Variants in TNFRSF11B observed in about 807,000 individuals in gnomAD.
The protein encoded by TNFRSF11B is TNF receptor superfamily member 11b, also known as tumor necrosis factor receptor superfamily member 11B.
Under a neutral mutation model 43.4 loss-of-function variants are expected in TNFRSF11B, and 16 were observed. The ratio of observed to expected loss-of-function variants is 0.37; its 90% confidence interval spans 0.25 to 0.56. The LOEUF is 0.56. Ranked by LOEUF, TNFRSF11B falls within the 20% of genes least tolerant of loss-of-function variation. The pLI is 0.80. For missense variants in TNFRSF11B, 444 were observed against 490.1 expected, an observed-to-expected ratio of 0.91 and a Z score of 0.89; for synonymous variants, 185 against 181.8, an observed-to-expected ratio of 1.02 and a Z score of -0.14.
At chr8:118,941,112 G>A (rs957993739) in intron 1 of TNFRSF11B, among the ~76,000 whole-genome samples, 1 of 152,130 alleles carries the variant, frequency 6.6e-6, no homozygotes, top group Non-Finnish European at 1.5e-5. Context: ...AGTGATGACC[G>A]AATTTGCCTA....
At chr8:118,937,324 C>A (rs1812419130) in intron 1 of TNFRSF11B, among the ~76,000 whole-genome samples, 1 of 152,180 alleles carries the variant, frequency 6.6e-6, no homozygotes, top group East Asian at 1.9e-4. Context: ...CTTCATACTT[C>A]TTGTTCCACC....
chr8:118,946,207 A>G (rs1384937905), intron 1 of TNFRSF11B, among the ~76,000 whole-genome samples: 2 of 152,138 alleles, frequency 1.3e-5, no homozygotes, highest in African/African-American at 2.4e-5. Flanking sequence ...GCACCTCGGA[A>G]ATTATGCCAA....
At chr8:118,940,941 T>G (rs1021033307) in intron 1 of TNFRSF11B, among the ~76,000 whole-genome samples, 1 of 152,212 alleles carries the variant, frequency 6.6e-6, no homozygotes. Flanking sequence ...ACATGGCAAG[T>G]ATTCAATATA....
intron 1 of TNFRSF11B, among the ~76,000 whole-genome samples, chr8:118,944,186 A>C (rs1352072777): frequency 6.6e-6 from 1 of 152,152 alleles, no homozygotes; most frequent in Non-Finnish European, 1.5e-5. Flanking sequence ...AACTGGCTTA[A>C]AAACAGCACA....
intron 1 of TNFRSF11B, among the ~76,000 whole-genome samples, chr8:118,946,678 T>G (rs1162300685): frequency 1.3e-5 from 2 of 152,110 alleles, no homozygotes; most frequent in African/African-American, 4.8e-5. Flanking sequence ...AGAATTGTGC[T>G]CTGGGGGCGG....
At chr8:118,937,899 G>T (rs796845229) in intron 1 of TNFRSF11B, among the ~76,000 whole-genome samples, 13 of 152,280 alleles carry the variant, frequency 8.5e-5, no homozygotes, top group African/African-American at 3.1e-4. Context: ...AAGGGGTTTA[G>T]TTGTATCTCA....
Position 118,924,281 on chromosome 8 carries a change from G to T in TNFRSF11B, c.*93C>A. ...AAAATTAGTCACTGGTAATGAGAAA[G>T]ATATCACTGAAAGCCTCAAGTGCCT... On this transcript the variant is annotated 3_prime_UTR_variant, in exon 5 of 5. Transcript: ENST00000297350. 2.1e-6 allele frequency: 3 copies of T among 1,452,390 alleles called. No individual in the cohort carries two copies. The highest frequency in any genetic ancestry group is 1.2e-5 in the South Asian group (1 of 86,846). The allele number at this position is 1,452,390 out of a possible 1,614,324, so 90.0% of individuals were successfully genotyped here.
At chr8:118,939,557 G>A (rs1174776902) in intron 1 of TNFRSF11B, among the ~76,000 whole-genome samples, 4 of 152,110 alleles carry the variant, frequency 2.6e-5, no homozygotes, top group African/African-American at 9.7e-5. Flanking sequence ...GTGGTGCTAG[G>A]AAGCAATCGA....
At chr8:118,929,505 C>G (rs1812295668) in intron 2 of TNFRSF11B, among the ~76,000 whole-genome samples, 1 of 152,180 alleles carries the variant, frequency 6.6e-6, no homozygotes, top group Non-Finnish European at 1.5e-5. Flanking sequence ...GCCGCTGACT[C>G]AAAAGCGTAA....
At chr8:118,951,705 C>A (rs998044045) in intron 1 of TNFRSF11B, 87 bp downstream of exon 1, 2 of 1,350,668 alleles carry the variant, frequency 1.5e-6, no homozygotes, top group Non-Finnish European at 2.1e-6. Context: ...GGAGCCTTCT[C>A]CCCGCCGGTC....
chr8:118,949,927 G>A lies in TNFRSF11B; in HGVS notation c.30+1865C>T, dbSNP rs574021205. 3.4e-4 allele frequency among the ~76,000 whole-genome samples: 52 copies of A among 152,166 alleles called. No individual in the cohort carries two copies. The South Asian group carries it at 0.011, about 32-fold the overall frequency. ...CATTTGCAATCATTTTCAAAATAAA[G>A]TAAGTCTCAGAAGCTAAAGAAAGGG... On this transcript the variant is annotated intron_variant, in intron 1 of 4. Transcript: ENST00000297350.
chr8:118,940,511 A>C (rs6469788), intron 1 of TNFRSF11B, among the ~76,000 whole-genome samples: 101,736 of 151,978 alleles, frequency 0.67, 36,069 homozygotes, highest in African/African-American at 0.92. Flanking sequence ...TAAGAATAAG[A>C]CTTATTTTTA....
intron 1 of TNFRSF11B, among the ~76,000 whole-genome samples, chr8:118,950,227 TA>T (rs1052101943): frequency 3.9e-5 from 6 of 152,292 alleles, no homozygotes; most frequent in Admixed American, 3.9e-4. Context: ...CTAGGAAGAA[TA>T]AAAATGTCCC....
chr8:118,939,462 A>G (rs1365493454), intron 1 of TNFRSF11B, among the ~76,000 whole-genome samples: 1 of 152,188 alleles, frequency 6.6e-6, no homozygotes, highest in Non-Finnish European at 1.5e-5. Flanking sequence ...ATAGAGAAAC[A>G]GGTTGGAAAT....
rs759091942 is a variant in TNFRSF11B at position 118,924,407 on chromosome 8, G to C, written c.1173C>G (p.Asn391Lys). The change falls in exon 5 of 5, where the codon AAC (asparagine) becomes AAG (lysine). Residue 391 changes from asparagine (N) to lysine (K), a missense_variant. Coordinates refer to ENST00000297350, the MANE Select transcript of TNFRSF11B (RefSeq NM_002546.4). ...YQKLFLEMIG[N>K]QVQSVKISCL ...AGCTTATTTTTACTGATTGGACCTGGTTACCTATCATTTCTAAAAATAACT... is the reference window on the plus strand; with the variant it reads ...AGCTTATTTTTACTGATTGGACCTGCTTACCTATCATTTCTAAAAATAACT... 25 of 1,614,096 alleles carry C rather than the reference G, an allele frequency of 1.5e-5. No homozygotes were observed. Among genetic ancestry groups the C allele is most frequent in the Non-Finnish European group, 1.9e-5 (22 of 1,179,958 alleles).
At chr8:118,929,024 T>C (rs1179267335) in intron 2 of TNFRSF11B, 95 bp from the exon 3 acceptor site, 1 of 1,119,286 alleles carries the variant, frequency 8.9e-7, no homozygotes, top group Non-Finnish European at 1.3e-6. Flanking sequence ...TTTCACTTGG[T>C]TTTTACTGCT....
intron 1 of TNFRSF11B, among the ~76,000 whole-genome samples, chr8:118,950,439 G>T (rs1812625230): frequency 6.6e-6 from 1 of 152,188 alleles, no homozygotes; most frequent in African/African-American, 2.4e-5. Context: ...TTTATAGGAA[G>T]TTCAAATACA....
At chr8:118,926,345 T>C (rs945149636) in intron 4 of TNFRSF11B, 149 bp downstream of exon 4, 1 of 727,354 alleles carries the variant, frequency 1.4e-6, no homozygotes, top group African/African-American at 1.8e-5. Flanking sequence ...ATCTACATTA[T>C]CAGTTGGTGG....
chr8:118,948,189 C>T (rs553017614), intron 1 of TNFRSF11B, among the ~76,000 whole-genome samples: 56 of 152,150 alleles, frequency 3.7e-4, no homozygotes, highest in African/African-American at 1.3e-3. Context: ...ATTGTAGCAA[C>T]ATAAGGAGCA....
Sources: gnomAD v4.1 joint callset for allele counts (sites outside exome capture counted in the v4.1 genomes callset) on GRCh38, gnomAD v4.1.1 for gene constraint, MANE v1.5 for transcripts, NCBI Gene and HGNC (gene_info 2026-07-23, HGNC 2026-07-21) for gene names.